The following IL12B variants were observed in gnomAD, a reference collection of about 807,000 sequenced individuals.
IL12B encodes interleukin-12 subunit beta.
IL12B carries 27 observed loss-of-function variants against 39.2 expected under a neutral mutation model. The ratio of observed to expected loss-of-function variants is 0.69; its 90% CI spans 0.51 to 0.95. IL12B has a LOEUF of 0.95. Ranked by LOEUF, IL12B falls within the 40% of genes least tolerant of loss-of-function variation. The probability of loss-of-function intolerance (pLI) is 0.00; values close to 1 mark genes in which losing one functional copy is unlikely to be tolerated. For synonymous variants in IL12B, 142 were observed against 152.1 expected, an observed-to-expected ratio of 0.93 and a Z score of 0.49; for missense variants, 351 against 397.6, an observed-to-expected ratio of 0.88 and a Z score of 1.00.
chr5:159,323,333 G>T lies in IL12B; in HGVS notation c.89-4C>A. 2 of 1,613,538 alleles carry T rather than the reference G, an allele frequency of 1.2e-6. No homozygotes were observed. The highest frequency in any genetic ancestry group is 2.2e-5 in the South Asian group (2 of 91,084). ...CAATCCAATTCTACGACATAAACTG[G>T]AATGCACATAAAGTGGAGAACCAGG... On this transcript the variant is annotated splice_region_variant and splice_polypyrimidine_tract_variant and intron_variant, in intron 2 of 7. Transcript: ENST00000231228.
At chr5:159,325,725 A>T (rs1426639171) in intron 2 of IL12B, 2 of 152,224 alleles carry the variant, frequency 1.3e-5, no homozygotes, top group African/African-American at 2.4e-5. Flanking sequence ...TGGGATACAG[A>T]CAGTCTCTAC....
intron 1 of IL12B, among the ~76,000 whole-genome samples, chr5:159,327,922 T>G (rs1334850282): frequency 6.6e-6 from 1 of 152,202 alleles, no homozygotes; most frequent in East Asian, 1.9e-4. Context: ...GAGGTAGGGA[T>G]GATTATTGAA....
At chr5:159,321,004 C>T (rs112377695) in intron 4 of IL12B, among the ~76,000 whole-genome samples, 36,815 of 141,720 alleles carry the variant, frequency 0.26, 5,173 homozygotes, top group East Asian at 0.45. Context: ...CTCTCTCTCT[C>T]TTTTTTTTTT....
intron 1 of IL12B, among the ~76,000 whole-genome samples, chr5:159,328,726 A>T (rs1051904312): frequency 6.6e-6 from 1 of 152,190 alleles, no homozygotes; most frequent in Non-Finnish European, 1.5e-5. Flanking sequence ...ACGCTGAGGT[A>T]TTCCCACTAG....
Position 159,318,882 on chromosome 5 carries a change from G to C in IL12B, c.709C>G (p.Pro237Ala). The C allele has an allele frequency of 6.2e-7, 1 of 1,613,894 alleles. No individual in the cohort carries two copies. Among genetic ancestry groups the C allele is most frequent in the Non-Finnish European group, 8.5e-7 (1 of 1,179,914 alleles). Residue 237 changes from proline to alanine, a missense_variant, in exon 6 of 8, where the codon CCA becomes GCA. Pro to Ala is a conservative substitution (Grantham distance 27). Transcript: ENST00000231228. The stretch of plus-strand genomic sequence containing the variant: ...GGCTTCAGCTGCAAGTTCTTGGGTG[G>C]GTCAGGTTTGACTGTGGAAGAGGAT... ...FFIRDIIKPDPPKNLQLKPLK... is the reference protein window; with the variant it reads ...FFIRDIIKPDAPKNLQLKPLK...
chr5:159,320,190 G>A (rs902821546), intron 5 of IL12B, 116 bp downstream of exon 5: 5 of 869,302 alleles, frequency 5.8e-6, no homozygotes, highest in Non-Finnish European at 9.5e-6. Flanking sequence ...GTTTTTGGAT[G>A]CAGAATAAAA....
chr5:159,318,473 G>A (rs192879417), intron 6 of IL12B, among the ~76,000 whole-genome samples: 7 of 152,294 alleles, frequency 4.6e-5, no homozygotes, highest in African/African-American at 1.4e-4. Context: ...ACAGGAACAT[G>A]CTGTACAGGT....
At chr5:159,319,096 A>G (rs922166421) in intron 5 of IL12B, among the ~76,000 whole-genome samples, 1 of 152,180 alleles carries the variant, frequency 6.6e-6, no homozygotes, top group East Asian at 1.9e-4. Flanking sequence ...GTCATTATCA[A>G]TGGCCACATC....
At chr5:159,320,057 G>T (rs2113025516) in intron 5 of IL12B, among the ~76,000 whole-genome samples, 1 of 152,030 alleles carries the variant, frequency 6.6e-6, no homozygotes, top group East Asian at 1.9e-4. Context: ...CAGCTGTAGT[G>T]GAGTGGATCT....
Position 159,320,401 on chromosome 5 carries a change from G to T in IL12B, c.602C>A (p.Ala201Asp). ...CTCAATGGGCAGACTCTCCTCAGCAGCTGGGCAGGCACTGTCCTCCTGGCA... is the reference window on the plus strand; with the variant it reads ...CTCAATGGGCAGACTCTCCTCAGCATCTGGGCAGGCACTGTCCTCCTGGCA... ...VECQEDSACPAAEESLPIEVM... is the reference protein window; with the variant it reads ...VECQEDSACPDAEESLPIEVM... The change falls in exon 5 of 8, where the codon GCT becomes GAT. Residue 201 changes from alanine to aspartate, a missense_variant. By Grantham distance (126) the Ala-to-Asp change is moderately radical. Transcript: ENST00000231228. 1 of 1,614,146 alleles carries T rather than the reference G, an allele frequency of 6.2e-7. No individual in the cohort carries two copies. Among genetic ancestry groups the T allele is most frequent in the Non-Finnish European group, 8.5e-7 (1 of 1,180,006 alleles).
In IL12B at chr5:159,318,679, A is replaced by G. The variant is rs141389963; in HGVS notation, c.855+57T>C. ...TTATCATCATTCATCTTCTCACTTT[A>G]TGGTGGGCCTCCGTAAAACTGACCA... On this transcript the variant is annotated intron_variant, in intron 6 of 7. Coordinates refer to ENST00000231228, the MANE Select transcript of IL12B (RefSeq NM_002187.3). The G allele has an allele frequency of 2.1e-6, 3 of 1,456,046 alleles. No homozygotes were observed. In the African/African-American group the frequency reaches 4.2e-5, roughly 20 times the overall value. The allele number at this position is 1,456,046 out of a possible 1,614,324, so 90.2% of individuals were successfully genotyped here.
intron 1 of IL12B, among the ~76,000 whole-genome samples, chr5:159,328,247 C>T (rs1012704110): frequency 2.0e-5 from 3 of 152,174 alleles, no homozygotes; most frequent in Admixed American, 6.5e-5. Context: ...GTTTTAGGGG[C>T]ATGGCTATCA....
intron 5 of IL12B, among the ~76,000 whole-genome samples, 154 bp downstream of exon 5, chr5:159,320,152 G>A (rs915650852): frequency 7.2e-5 from 11 of 152,210 alleles, no homozygotes; most frequent in Non-Finnish European, 1.3e-4. Context: ...TCCTTAAAAT[G>A]CAGATAACAG....
chr5:159,325,033 A>G (rs1055781251), intron 2 of IL12B, among the ~76,000 whole-genome samples: 13 of 151,990 alleles, frequency 8.6e-5, no homozygotes, highest in African/African-American at 1.5e-4. Context: ...TCCTGTCCCA[A>G]CTGAGGCTCG....
At chr5:159,328,455 C>T (rs1754227902) in intron 1 of IL12B, among the ~76,000 whole-genome samples, 1 of 152,186 alleles carries the variant, frequency 6.6e-6, no homozygotes, top group African/African-American at 2.4e-5. Flanking sequence ...GGACCTAATA[C>T]TTATCTCAAA....
At chr5:159,325,293 C>T (rs556890221) in intron 2 of IL12B, among the ~76,000 whole-genome samples, 3 of 152,274 alleles carry the variant, frequency 2.0e-5, no homozygotes, top group Non-Finnish European at 4.4e-5. Context: ...AAGGGATCTG[C>T]CATATACCCC....
At chr5:159,323,351 G>T in intron 2 of IL12B, 22 bp from the exon 3 acceptor site, 1 of 1,611,600 alleles carries the variant, frequency 6.2e-7, no homozygotes, top group Non-Finnish European at 8.5e-7. Context: ...ATAAAGTGGA[G>T]AACCAGGCTG....
Position 159,322,403 on chromosome 5 carries a change from C to G in IL12B, c.473G>C (p.Ser158Thr). ...ISTDLTFSVK[S>T]SRGSSDPQGV... ...GAGCAGTTTCACTCACCCTCTGCTG[C>G]TTTTGACACTGAATGTCAAATCAGT... Residue 158 changes from serine to threonine, a missense_variant, in exon 4 of 8, where the codon AGC becomes ACC. Transcript: ENST00000231228. The G allele has an allele frequency of 6.3e-7, 1 of 1,599,784 alleles. No individual in the cohort carries two copies. Among genetic ancestry groups the G allele is most frequent in the South Asian group, 1.1e-5 (1 of 90,848 alleles).
At position 159,315,537 on chromosome 5, in the gene IL12B, G is replaced by A. The variant is rs957266336; in HGVS notation, c.*564C>T. On this transcript the variant is annotated 3_prime_UTR_variant, in exon 8 of 8. Transcript: ENST00000231228. ...GAAGTCTTCACAGACATGGGAACTA[G>A]CATCTTGTTCTCCTGGATCTTCTCA... 3 of 152,604 alleles carry A rather than the reference G, an allele frequency of 2.0e-5. No individual in the cohort carries two copies. Among genetic ancestry groups the A allele is most frequent in the Non-Finnish European group, 4.4e-5 (3 of 68,052 alleles). 9.5% of individuals were successfully genotyped at this position (152,604 alleles called of 1,614,324 possible).
Sources: gnomAD v4.1 joint callset for allele counts (sites outside exome capture counted in the v4.1 genomes callset) on GRCh38, gnomAD v4.1.1 for gene constraint, MANE v1.5 for transcripts, NCBI Gene and HGNC (gene_info 2026-07-23, HGNC 2026-07-21) for gene names.